ZNF875: variants seen among roughly 807,000 people sequenced by gnomAD.
The protein encoded by ZNF875 is HKR1, GLI-Kruppel zinc finger family member.
Under a neutral mutation model 11.2 loss-of-function variants are expected in ZNF875, and 14 were observed. The observed-to-expected ratio is 1.26, with a 90% CI of 0.83 to 1.96. The LOEUF (loss-of-function observed/expected upper bound fraction) is 1.96. Among genes scored for constraint, ZNF875 ranks in the 30% most tolerant of loss-of-function variants. ZNF875 has a pLI of 0.00. For synonymous variants in ZNF875, 301 were observed against 281.1 expected (o/e 1.07, Z -0.71); for missense variants, 752 against 760.4 (o/e 0.99, Z 0.13).
upstream of ZNF875, among the ~76,000 whole-genome samples, chr19:37,332,963 C>A (rs1424898167): frequency 6.6e-6 from 1 of 152,188 alleles, no homozygotes; most frequent in East Asian, 1.9e-4. Flanking sequence ...CACTGAGTAA[C>A]TATCACCTTT....
At chr19:37,355,986 G>A (rs1403830154) in intron 4 of ZNF875, among the ~76,000 whole-genome samples, 4 of 152,154 alleles carry the variant, frequency 2.6e-5, no homozygotes, top group South Asian at 2.1e-4. Flanking sequence ...CTTTATGTCC[G>A]TGTGTACCCA....
Position 37,335,269 on chromosome 19 carries a change from CTG to C in ZNF875, c.33+14_33+15del, listed in dbSNP as rs771838531. ...GAGCCAAAAAAGAGGTGAGAATTAA[CTG>C]TAATTCTATCTTGGCTGTCAACAGA... On this transcript the variant is annotated intron_variant, in intron 2 of 4. Transcript: ENST00000392153. The C allele has an allele frequency of 8.5e-5, 59 of 695,502 alleles. No individual in the cohort carries two copies. The highest frequency in any genetic ancestry group is 7.7e-4 in the South Asian group (52 of 67,420). The allele number at this position is 695,502 out of a possible 1,614,324, so 43.1% of individuals were successfully genotyped here.
At chr19:37,319,227 G>C (rs2030779416) in intron 1 of ZNF875, among the ~76,000 whole-genome samples, 1 of 150,718 alleles carries the variant, frequency 6.6e-6, no homozygotes, top group African/African-American at 2.4e-5. Context: ...TGTATTTTTA[G>C]TAGAGATTGG....
chr19:37,354,610 G>T (rs888300562), intron 4 of ZNF875, among the ~76,000 whole-genome samples: 1 of 152,062 alleles, frequency 6.6e-6, no homozygotes, highest in Non-Finnish European at 1.5e-5. Context: ...TATATATGGT[G>T]CAGTGAGTTG....
At chr19:37,315,914 T>A (rs1288398306), upstream of ZNF875, among the ~76,000 whole-genome samples, 1 of 152,150 alleles carries the variant, frequency 6.6e-6, no homozygotes. Flanking sequence ...GGTGAATGTG[T>A]AAGAATGCTA....
At chr19:37,346,585 C>A (rs2036812377) in intron 2 of ZNF875, 1 of 153,980 alleles carries the variant, frequency 6.5e-6, no homozygotes, top group African/African-American at 2.4e-5. Context: ...TCAAACTCAG[C>A]AAGATAATTC....
intron 4 of ZNF875, among the ~76,000 whole-genome samples, chr19:37,328,265 G>A (rs1161386318): frequency 6.6e-6 from 1 of 152,062 alleles, no homozygotes; most frequent in Non-Finnish European, 1.5e-5. Context: ...GAGAAAGGGT[G>A]GAAAAGAGGG....
In ZNF875 at chr19:37,335,169, A is replaced by T; in HGVS notation, c.-56A>T. The T allele has an allele frequency of 1.4e-6, 1 of 701,326 alleles. No homozygotes were observed. Among genetic ancestry groups the T allele is most frequent in the Non-Finnish European group, 2.6e-6 (1 of 383,864 alleles). The allele number at this position is 701,326 out of a possible 1,614,324, so 43.4% of individuals were successfully genotyped here. ...CTCTTATTTCTCTTCACATCCCCAG[A>T]TCTGTCTTCTGAGACTTTGCCCTTC... On this transcript the variant is annotated splice_region_variant and 5_prime_UTR_variant, in exon 2 of 5. Coordinates refer to ENST00000392153, the MANE Select transcript of ZNF875 (RefSeq NM_001353803.2).
At chr19:37,341,107 A>G (rs1011353824) in intron 2 of ZNF875, among the ~76,000 whole-genome samples, 21 of 152,166 alleles carry the variant, frequency 1.4e-4, no homozygotes, top group Admixed American at 6.5e-5. Context: ...GCTGTTCTCC[A>G]AGACTAGCTT....
intron 4 of ZNF875, among the ~76,000 whole-genome samples, chr19:37,327,624 G>C (rs1364948975): frequency 6.6e-6 from 1 of 151,366 alleles, no homozygotes; most frequent in African/African-American, 2.4e-5. Context: ...AAAATTATTC[G>C]TGTAGTGGTG....
chr19:37,326,467 A>G (rs1448512634), intron 4 of ZNF875, among the ~76,000 whole-genome samples: 2 of 152,108 alleles, frequency 1.3e-5, no homozygotes, highest in African/African-American at 4.8e-5. Context: ...CTTACATTCA[A>G]GGGTCACAGT....
chr19:37,352,987 C>T (rs2038200633), intron 4 of ZNF875, among the ~76,000 whole-genome samples: 1 of 148,900 alleles, frequency 6.7e-6, no homozygotes, highest in Non-Finnish European at 1.5e-5. Flanking sequence ...GATTCTCCTG[C>T]CTCAGCTTCC....
chr19:37,359,449 G>T, intron 4 of ZNF875: 1 of 282,566 alleles, frequency 3.5e-6, no homozygotes, highest in South Asian at 2.8e-5. Flanking sequence ...CTGTTGCCAG[G>T]CTGGAATACA....
chr19:37,330,969 G>A (rs1373688553), upstream of ZNF875, among the ~76,000 whole-genome samples: 1 of 151,972 alleles, frequency 6.6e-6, no homozygotes, highest in Admixed American at 6.5e-5. Context: ...GGTGGATCAC[G>A]AGGTCAGGAG....
chr19:37,332,301 T>C (rs1012604444), upstream of ZNF875, among the ~76,000 whole-genome samples: 7 of 151,408 alleles, frequency 4.6e-5, no homozygotes, highest in African/African-American at 1.5e-4. Context: ...TCTGTGTCTT[T>C]TTCTTTTCCA....
intron 2 of ZNF875, among the ~76,000 whole-genome samples, chr19:37,323,165 T>G (rs1431129834): frequency 6.6e-6 from 1 of 151,600 alleles, no homozygotes; most frequent in Non-Finnish European, 1.5e-5. Flanking sequence ...ATTTCCTTTT[T>G]TTTTTTGAAA....
intron 4 of ZNF875, among the ~76,000 whole-genome samples, chr19:37,355,969 T>C (rs1390468546): frequency 6.6e-6 from 1 of 152,222 alleles, no homozygotes; most frequent in African/African-American, 2.4e-5. Context: ...GTGTCTATTA[T>C]TTCCATCTTT....
chr19:37,354,570 T>A (rs996568233), intron 4 of ZNF875, among the ~76,000 whole-genome samples: 2 of 152,056 alleles, frequency 1.3e-5, no homozygotes, highest in African/African-American at 4.8e-5. Flanking sequence ...AATTACAGAA[T>A]ATTTGCAAAA....
chr19:37,344,104 C>T (rs2036303592), intron 2 of ZNF875, among the ~76,000 whole-genome samples: 1 of 151,906 alleles, frequency 6.6e-6, no homozygotes, highest in Non-Finnish European at 1.5e-5. Context: ...TCACAATGGC[C>T]CCATAAGGTA....
Sources: gnomAD v4.1 joint callset for allele counts (sites outside exome capture counted in the v4.1 genomes callset) on GRCh38, gnomAD v4.1.1 for gene constraint, MANE v1.5 for transcripts, NCBI Gene and HGNC (gene_info 2026-07-23, HGNC 2026-07-21) for gene names.